PPARGC1A: variants seen among roughly 807,000 people sequenced by gnomAD.
PPARGC1A encodes PPARG coactivator 1 alpha.
PPARGC1A carries 25 observed loss-of-function variants against 88.7 expected under a neutral mutation model. The ratio of observed to expected loss-of-function variants is 0.28; its 90% CI spans 0.21 to 0.39. The LOEUF is 0.39. Among genes scored for constraint, PPARGC1A ranks in the 10% least tolerant of loss-of-function variants. The pLI, the probability that PPARGC1A is intolerant of heterozygous loss-of-function variation, is 1.00. For synonymous variants in PPARGC1A, 363 were observed against 355.6 expected, an observed-to-expected ratio of 1.02 and a Z score of -0.24; for missense variants, 880 against 968.7, an observed-to-expected ratio of 0.91 and a Z score of 1.22.
the PPARGC1A span, among the ~76,000 whole-genome samples, chr4:24,078,768 C>T: frequency 6.6e-6 from 1 of 152,074 alleles, no homozygotes; most frequent in East Asian, 1.9e-4. Context: ...CTTCTTTGAG[C>T]TTTCAAAATG....
the PPARGC1A span, among the ~76,000 whole-genome samples, chr4:24,252,683 T>C: frequency 2.0e-5 from 3 of 152,152 alleles, no homozygotes; most frequent in African/African-American, 7.2e-5. Flanking sequence ...CTAACTCCCA[T>C]CTCCACCCCC....
At chr4:23,843,617 G>A (rs61261762) in intron 2 of PPARGC1A, among the ~76,000 whole-genome samples, 4,896 of 152,088 alleles carry the variant, frequency 0.032, 137 homozygotes, top group African/African-American at 0.07. Flanking sequence ...ATGAACAAAT[G>A]GAGTGAAAAA....
At chr4:23,942,107 T>C in the PPARGC1A span, among the ~76,000 whole-genome samples, 1 of 152,072 alleles carries the variant, frequency 6.6e-6, no homozygotes, top group East Asian at 1.9e-4. Flanking sequence ...AGAATCACAC[T>C]CTCATGGATT....
At position 23,813,010 on chromosome 4, in the gene PPARGC1A, T is replaced by C. The variant is rs1479149797; in HGVS notation, c.1898+11A>G. 6.2e-6 allele frequency: 10 copies of C among 1,613,450 alleles called. No homozygotes were observed. The highest frequency in any genetic ancestry group is 1.3e-5 in the African/African-American group (1 of 74,896). On this transcript the variant is annotated intron_variant, in intron 9 of 12. Transcript: ENST00000264867. ...TAAAGGGAGCTAAAGGAAAATGACATGCCTCATTACCTGGGCCGACGGCTG... is the reference window on the plus strand; with the variant it reads ...TAAAGGGAGCTAAAGGAAAATGACACGCCTCATTACCTGGGCCGACGGCTG...
the PPARGC1A span, among the ~76,000 whole-genome samples, chr4:23,935,423 C>T: frequency 6.6e-6 from 1 of 152,068 alleles, no homozygotes; most frequent in African/African-American, 2.4e-5. Context: ...AGCAAATGTC[C>T]ACGGATTTCT....
At chr4:23,821,991 T>TTG (rs1327635705) in intron 7 of PPARGC1A, among the ~76,000 whole-genome samples, 1 of 152,178 alleles carries the variant, frequency 6.6e-6, no homozygotes, top group Non-Finnish European at 1.5e-5. Context: ...AATTCCATTT[T>TTG]TGTGTGTCAA....
the PPARGC1A span, among the ~76,000 whole-genome samples, chr4:24,254,863 G>A: frequency 6.6e-6 from 1 of 152,176 alleles, no homozygotes; most frequent in Non-Finnish European, 1.5e-5. Context: ...TGGAAGAGCA[G>A]AATTTATTCT....
chr4:24,332,166 CAG>C, the PPARGC1A span, among the ~76,000 whole-genome samples: 6 of 151,688 alleles, frequency 4.0e-5, no homozygotes, highest in African/African-American at 7.3e-5. Context: ...TTTATAGAGA[CAG>C]GGGCTCATTG....
chr4:23,891,914 A>C (rs1370832002), upstream of PPARGC1A, among the ~76,000 whole-genome samples: 1 of 152,220 alleles, frequency 6.6e-6, no homozygotes, highest in African/African-American at 2.4e-5. Context: ...ACTTCAGTAA[A>C]TTATTAAAAT....
chr4:24,204,042 T>C, the PPARGC1A span, among the ~76,000 whole-genome samples: 2 of 152,154 alleles, frequency 1.3e-5, no homozygotes, highest in African/African-American at 2.4e-5. Context: ...GAAAATGAGA[T>C]AAAAGTCAAG....
intron 2 of PPARGC1A, among the ~76,000 whole-genome samples, chr4:23,876,205 G>C (rs1714655499): frequency 6.6e-6 from 1 of 152,142 alleles, no homozygotes; most frequent in African/African-American, 2.4e-5. Context: ...TTTAGTAAAA[G>C]CTGTAATTCC....
At chr4:23,857,954 T>C (rs968569823) in intron 2 of PPARGC1A, among the ~76,000 whole-genome samples, 3 of 151,586 alleles carry the variant, frequency 2.0e-5, no homozygotes, top group African/African-American at 4.8e-5. Flanking sequence ...TTGTTTTCTA[T>C]TCCATTGTTT....
the PPARGC1A span, among the ~76,000 whole-genome samples, chr4:24,335,399 G>A: frequency 6.6e-6 from 1 of 152,124 alleles, no homozygotes; most frequent in African/African-American, 2.4e-5. Context: ...GATGTCAAAA[G>A]CAATTTTCTT....
the PPARGC1A span, among the ~76,000 whole-genome samples, chr4:24,311,593 T>G: frequency 6.6e-6 from 1 of 151,582 alleles, no homozygotes; most frequent in Non-Finnish European, 1.5e-5. Flanking sequence ...TGAGCCAAGA[T>G]CACACCACTG....
the PPARGC1A span, among the ~76,000 whole-genome samples, chr4:24,144,645 C>T: frequency 3.3e-5 from 5 of 152,020 alleles, no homozygotes; most frequent in East Asian, 1.9e-4. Context: ...AGGGAGCCAC[C>T]GAGAAAGGAC....
the PPARGC1A span, among the ~76,000 whole-genome samples, chr4:24,273,022 G>T: frequency 6.6e-6 from 1 of 152,206 alleles, no homozygotes; most frequent in Non-Finnish European, 1.5e-5. Flanking sequence ...TTATCTTCCA[G>T]CCACTTTCAA....
At chr4:24,446,628 GC>G in the PPARGC1A span, among the ~76,000 whole-genome samples, 1 of 138,110 alleles carries the variant, frequency 7.2e-6, no homozygotes, top group Admixed American at 7.8e-5. Context: ...ATGGAGTCTT[GC>G]TCTGTCATCC....
the PPARGC1A span, among the ~76,000 whole-genome samples, chr4:23,988,301 C>T: frequency 6.6e-6 from 1 of 152,024 alleles, no homozygotes; most frequent in African/African-American, 2.4e-5. Flanking sequence ...GGTATATGCC[C>T]AGTAATAGGA....
the PPARGC1A span, among the ~76,000 whole-genome samples, chr4:24,334,160 A>T: frequency 6.6e-6 from 1 of 151,972 alleles, no homozygotes; most frequent in Non-Finnish European, 1.5e-5. Context: ...CTAACAGGAA[A>T]ATTGGCACTA....
Sources: allele counts gnomAD v4.1 joint callset (sites outside exome capture counted in the v4.1 genomes callset), GRCh38; gene constraint gnomAD v4.1.1; transcripts MANE v1.5; gene names NCBI Gene and HGNC (gene_info 2026-07-23, HGNC 2026-07-21).